Variants in C1QTNF2 observed in about 807,000 individuals in gnomAD.
The protein encoded by C1QTNF2 is complement C1q tumor necrosis factor-related protein 2.
A neutral mutation model predicts 17.4 loss-of-function variants in C1QTNF2; 15 were observed. The ratio of observed to expected loss-of-function variants is 0.86; its 90% CI spans 0.58 to 1.33. The LOEUF is 1.33. C1QTNF2 is among the 40% of genes most tolerant of loss of function. The pLI is 0.00. For missense variants in C1QTNF2, 381 were observed against 392.3 expected, an observed-to-expected ratio of 0.97 and a Z score of 0.24; for synonymous variants, 154 against 163.3, an observed-to-expected ratio of 0.94 and a Z score of 0.44.
chr5:160,368,285 G>A (rs1300550045), intron 1 of C1QTNF2, among the ~76,000 whole-genome samples: 1 of 152,176 alleles, frequency 6.6e-6, no homozygotes, highest in Non-Finnish European at 1.5e-5. Flanking sequence ...TGTAATCCCA[G>A]CGCTTTGGGA....
chr5:160,348,885 C>T lies in C1QTNF2; in HGVS notation c.*283G>A. On this transcript the variant is annotated 3_prime_UTR_variant, in exon 3 of 3. Coordinates refer to ENST00000652664, the MANE Select transcript of C1QTNF2 (RefSeq NM_031908.6). ...ATTGTATCTCCTGCTAGAATGTAAG[C>T]TGCATGAGGACAGATACTCTGTCTT... is the stretch of plus-strand genomic sequence containing the variant. 1 of 350,316 alleles carries T rather than the reference C, an allele frequency of 2.9e-6. No homozygotes were observed. Among genetic ancestry groups the T allele is most frequent in the Non-Finnish European group, 5.2e-6 (1 of 193,502 alleles). The allele number at this position is 350,316 out of a possible 1,614,324, so 21.7% of individuals were successfully genotyped here.
chr5:160,354,593 A>ATATATAT (rs1763992409), intron 2 of C1QTNF2, among the ~76,000 whole-genome samples, 175 bp downstream of exon 2: 3 of 30,554 alleles, frequency 9.8e-5, no homozygotes, highest in Admixed American at 7.0e-4. Flanking sequence ...GGAAAAAAAA[A>ATATATAT]AAAAGTATAT....
rs1338226594 is a variant in C1QTNF2 at position 160,354,592 on chromosome 5, A to T, written c.244+176T>A. ...AGCCTCTGTCTCAAGGGGAAAAAAA[A>T]AAAAAGTATATATATATATATATAT... On this transcript the variant is annotated intron_variant, in intron 2 of 2. Coordinates refer to ENST00000652664, the MANE Select transcript of C1QTNF2 (RefSeq NM_031908.6). Among the ~76,000 whole-genome samples the T allele has an allele frequency of 1.5e-4, 7 of 46,460 alleles. 1 individual carries two copies. Among genetic ancestry groups the T allele is most frequent in the East Asian group, 7.9e-4 (1 of 1,268 alleles). The allele number at this position is 46,460 out of a possible 152,430, so 30.5% of individuals were successfully genotyped here.
chr5:160,349,071 A>T lies in C1QTNF2; in HGVS notation c.*97T>A. The stretch of plus-strand genomic sequence containing the variant: ...GGTGAGCCTGAGGCTAGAACCGCTC[A>T]CTCGACCCCCCACCCCCAGCCTACA... On this transcript the variant is annotated 3_prime_UTR_variant, in exon 3 of 3. Coordinates refer to ENST00000652664, the MANE Select transcript of C1QTNF2 (RefSeq NM_031908.6). The surrounding 1 kb of genome is among the most constrained non-coding windows in gnomAD (Gnocchi z 4.3). 1 of 1,467,996 alleles carries T rather than the reference A, an allele frequency of 6.8e-7. No individual in the cohort carries two copies. The highest frequency in any genetic ancestry group is 9.1e-7 in the Non-Finnish European group (1 of 1,093,782). The allele number at this position is 1,467,996 out of a possible 1,614,324, so 90.9% of individuals were successfully genotyped here.
intron 1 of C1QTNF2, among the ~76,000 whole-genome samples, chr5:160,357,832 TGGCAGAAAAGAGAGCCAGCCGGAC>T (rs1561824958): frequency 8.1e-6 from 1 of 123,688 alleles, no homozygotes; most frequent in African/African-American, 3.2e-5. Flanking sequence ...GGAGAGAGAC[TGGCAGAAAAGAGAGCCAGCCGGAC>T]GAGAGAGAGG....
intron 1 of C1QTNF2, among the ~76,000 whole-genome samples, chr5:160,356,720 G>T (rs4279373): frequency 0.4 from 61,153 of 151,970 alleles, 13,356 homozygotes; most frequent in Non-Finnish European, 0.49. Flanking sequence ...TGCACAGCAG[G>T]GGCATTACTC....
chr5:160,350,966 G>C (rs3923683), intron 2 of C1QTNF2, among the ~76,000 whole-genome samples: 6 of 152,054 alleles, frequency 3.9e-5, no homozygotes, highest in Admixed American at 1.3e-4. Flanking sequence ...TAGCCAGGAT[G>C]GTCTTAAACT....
intron 1 of C1QTNF2, 133 bp from the exon 2 acceptor site, chr5:160,355,153 T>C: frequency 7.1e-7 from 1 of 1,415,520 alleles, no homozygotes; most frequent in East Asian, 2.6e-5. Context: ...CTTTCCTGCA[T>C]CACATACAAG....
chr5:160,354,704 GCCCC>G (rs1764006894), intron 2 of C1QTNF2, 60 bp downstream of exon 2: 4 of 1,588,356 alleles, frequency 2.5e-6, no homozygotes, highest in Non-Finnish European at 3.4e-6. Context: ...ACTTCATGAT[GCCCC>G]CCACATGCCG....
rs184883076 is a variant in C1QTNF2 at position 160,364,614 on chromosome 5, A to G, written c.-10+5898T>C. The stretch of plus-strand genomic sequence containing the variant: ...AAACCAGTCCTGATCTGCCACCCTG[A>G]GTCCTGCATGCATTTCAGGTAGAGA... On this transcript the variant is annotated intron_variant, in intron 1 of 2. Transcript: ENST00000652664. Among the ~76,000 whole-genome samples, 179 of 152,314 alleles carry G rather than the reference A, an allele frequency of 1.2e-3. 1 individual carries two copies. Among genetic ancestry groups the G allele is most frequent in the Non-Finnish European group, 9.1e-4 (62 of 68,016 alleles).
At chr5:160,360,622 T>C (rs1034562340) in intron 1 of C1QTNF2, among the ~76,000 whole-genome samples, 1 of 152,078 alleles carries the variant, frequency 6.6e-6, no homozygotes, top group African/African-American at 2.4e-5. Context: ...TAAGTATTAG[T>C]CCTTTCTCAC....
In C1QTNF2 at chr5:160,365,951, T is replaced by A. The variant is rs546642322; in HGVS notation, c.-10+4561A>T. Among the ~76,000 whole-genome samples, 58 of 124,840 alleles carry A rather than the reference T, an allele frequency of 4.6e-4. No homozygotes were observed. In the South Asian group the frequency reaches 9.4e-3, roughly 20 times the overall value. The allele number at this position is 124,840 out of a possible 152,430, so 81.9% of individuals were successfully genotyped here. ...CCATTCTTCAGCAGGTGAGCTTTTT[T>A]AAAAAATTTTTTAATTTCCATAGAT... is the stretch of plus-strand genomic sequence containing the variant. On this transcript the variant is annotated intron_variant, in intron 1 of 2. Coordinates refer to ENST00000652664, the MANE Select transcript of C1QTNF2 (RefSeq NM_031908.6).
At chr5:160,369,157 C>T (rs193273016) in intron 1 of C1QTNF2, among the ~76,000 whole-genome samples, 1 of 151,826 alleles carries the variant, frequency 6.6e-6, no homozygotes, top group East Asian at 1.9e-4. Context: ...AAGGGGTTAC[C>T]TTTCAGAATT....
At chr5:160,363,679 C>A (rs1032009785) in intron 1 of C1QTNF2, among the ~76,000 whole-genome samples, 13 of 152,172 alleles carry the variant, frequency 8.5e-5, no homozygotes, top group African/African-American at 1.7e-4. Flanking sequence ...TGGAGCCCAC[C>A]CCCTGGGCCC....
chr5:160,353,746 G>A (rs892807423), intron 2 of C1QTNF2, among the ~76,000 whole-genome samples: 20 of 147,226 alleles, frequency 1.4e-4, no homozygotes, highest in Non-Finnish European at 1.8e-4. Context: ...TTGAGCTCCT[G>A]GACTCAGCTA....
At chr5:160,360,435 C>T (rs148462230) in intron 1 of C1QTNF2, among the ~76,000 whole-genome samples, 302 of 152,318 alleles carry the variant, frequency 2.0e-3, no homozygotes, top group African/African-American at 6.1e-3. Flanking sequence ...CAAATCTGTT[C>T]TTTTTTCCTC....
intron 1 of C1QTNF2, among the ~76,000 whole-genome samples, chr5:160,359,493 A>G (rs1307295183): frequency 1.3e-5 from 2 of 152,242 alleles, no homozygotes; most frequent in African/African-American, 4.8e-5. Flanking sequence ...ACCTTGAAGC[A>G]TATGCCAAAA....
rs373563942 is a variant in C1QTNF2, at chr5:160,349,322, C to G, written c.704G>C (p.Gly235Ala). ...ANTGNHDVAS[G>A]STILALKQGD... Reference sequence around the variant, plus strand: ...CTGCTTGAGAGCCAGGATGGTGGAGCCTGAGGCCACATCGTGGTTGCCGGT... The same window carrying G: ...CTGCTTGAGAGCCAGGATGGTGGAGGCTGAGGCCACATCGTGGTTGCCGGT... The change falls in exon 3 of 3, where the codon GGC becomes GCC. Residue 235 changes from glycine to alanine, a missense_variant. Transcript: ENST00000652664. This position sits in a 1 kb window ranked among gnomAD's most constrained non-coding sequence, Gnocchi z 4.3. 4 of 1,613,938 alleles carry G rather than the reference C, an allele frequency of 2.5e-6. No homozygotes were observed. The highest frequency in any genetic ancestry group is 2.7e-5 in the African/African-American group (2 of 74,902).
At chr5:160,362,086 G>A (rs1326172155) in intron 1 of C1QTNF2, among the ~76,000 whole-genome samples, 2 of 152,114 alleles carry the variant, frequency 1.3e-5, no homozygotes, top group African/African-American at 2.4e-5. Flanking sequence ...CCGCCCTTAC[G>A]GAGACTGGAA....
Sources: allele counts gnomAD v4.1 joint callset (sites outside exome capture counted in the v4.1 genomes callset), GRCh38; gene constraint gnomAD v4.1.1; non-coding constraint Gnocchi (gnomAD v3.1); transcripts MANE v1.5; gene names NCBI Gene and HGNC (gene_info 2026-07-23, HGNC 2026-07-21).